PRLR: variants seen among roughly 807,000 people sequenced by gnomAD.
PRLR encodes hPRL receptor.
PRLR carries 13 observed loss-of-function variants against 40.2 expected under a neutral mutation model. That is an observed-to-expected ratio of 0.32 (90% CI 0.21 to 0.51). The LOEUF (loss-of-function observed/expected upper bound fraction) is 0.51, where lower values mean the gene tolerates loss of function less well. Ranked by LOEUF, PRLR falls within the 20% of genes least tolerant of loss-of-function variation. The pLI is 0.97. For synonymous variants in PRLR, 269 were observed against 278.7 expected, an observed-to-expected ratio of 0.97 and a Z score of 0.35; for missense variants, 656 against 747.3, an observed-to-expected ratio of 0.88 and a Z score of 1.42.
rs1046593694 is a variant in PRLR, at chr5:35,116,134, A to C, written c.-44+1927T>G. ...GTGGAGGATGATGGAGGCTGGGTGCAGGGGTCAGGGAAGATCAATCAGAGG... is the reference window on the plus strand; with the variant it reads ...GTGGAGGATGATGGAGGCTGGGTGCCGGGGTCAGGGAAGATCAATCAGAGG... On this transcript the variant is annotated intron_variant, in intron 2 of 9. Transcript: ENST00000618457. Among the ~76,000 whole-genome samples the C allele has an allele frequency of 2.6e-5, 4 of 152,084 alleles. No homozygotes were observed. The East Asian group carries it at 7.7e-4, about 29-fold the overall frequency.
intron 1 of PRLR, among the ~76,000 whole-genome samples, chr5:35,185,635 C>G (rs1430675902): frequency 2.0e-5 from 3 of 152,148 alleles, no homozygotes; most frequent in Admixed American, 1.3e-4. Context: ...TGTGAATTTG[C>G]TAATAATTAA....
intron 1 of PRLR, among the ~76,000 whole-genome samples, chr5:35,150,104 G>A (rs1021635321): frequency 1.3e-5 from 2 of 152,194 alleles, no homozygotes; most frequent in South Asian, 2.1e-4. Flanking sequence ...GGCTGGTCTC[G>A]AACTCCCAAC....
chr5:35,084,646 T>C lies in PRLR; in HGVS notation c.204-7A>G, dbSNP rs1307706762. 2 of 1,608,326 alleles carry C rather than the reference T, an allele frequency of 1.2e-6. No individual in the cohort carries two copies. The highest frequency in any genetic ancestry group is 1.7e-6 in the Non-Finnish European group (2 of 1,177,660). ...TTCATGCATGAGTGTCTCTCTGCAA[T>C]AAGTAATGTATTAGGAATGAATAAG... On this transcript the variant is annotated splice_polypyrimidine_tract_variant and splice_region_variant and intron_variant, in intron 4 of 9. Coordinates refer to ENST00000618457, the MANE Select transcript of PRLR (RefSeq NM_000949.7).
chr5:35,213,641 A>T (rs1370991531), intron 1 of PRLR, among the ~76,000 whole-genome samples: 1 of 152,200 alleles, frequency 6.6e-6, no homozygotes, highest in Non-Finnish European at 1.5e-5. Context: ...AAAACTGAAC[A>T]ATGAACAATA....
At chr5:35,087,415 C>T (rs1379548938) in intron 3 of PRLR, among the ~76,000 whole-genome samples, 1 of 137,672 alleles carries the variant, frequency 7.3e-6, no homozygotes, top group East Asian at 2.0e-4. Context: ...ATTTTCCTCT[C>T]TTTCCTTTGT....
At chr5:35,078,200 A>C (rs926103283) in intron 5 of PRLR, among the ~76,000 whole-genome samples, 2 of 152,216 alleles carry the variant, frequency 1.3e-5, no homozygotes, top group Non-Finnish European at 2.9e-5. Flanking sequence ...GAAATAACTA[A>C]GATCAGAGAA....
At chr5:35,068,940 T>A in intron 7 of PRLR, 62 bp from the exon 8 acceptor site, 1 of 1,259,174 alleles carries the variant, frequency 7.9e-7, no homozygotes, top group Non-Finnish European at 1.1e-6. Flanking sequence ...CAAACCAACC[T>A]AATGAATGAA....
At chr5:35,086,367 C>A in intron 3 of PRLR, 27 bp from the exon 4 acceptor site, 1 of 1,611,272 alleles carries the variant, frequency 6.2e-7, no homozygotes. Flanking sequence ...GCCACTGCAT[C>A]AATATTGAGG....
chr5:35,066,765 T>A (rs1769395566), intron 9 of PRLR, among the ~76,000 whole-genome samples: 1 of 144,914 alleles, frequency 6.9e-6, no homozygotes, highest in South Asian at 2.3e-4. Flanking sequence ...TTGCCTCTTT[T>A]TTTTTTTTTT....
intron 1 of PRLR, among the ~76,000 whole-genome samples, chr5:35,124,303 C>A (rs1773385722): frequency 6.6e-6 from 1 of 152,164 alleles, no homozygotes; most frequent in African/African-American, 2.4e-5. Context: ...TAAGGCCCAC[C>A]AGTCAATAGA....
At chr5:35,049,773 T>G (rs1349566386) in intron 8 of PRLR, among the ~76,000 whole-genome samples, 1 of 152,130 alleles carries the variant, frequency 6.6e-6, no homozygotes, top group Non-Finnish European at 1.5e-5. Flanking sequence ...CTTGACTAAT[T>G]ATTTTTTTCT....
intron 1 of PRLR, among the ~76,000 whole-genome samples, chr5:35,222,301 A>T (rs1355772856): frequency 1.7e-5 from 1 of 58,286 alleles, no homozygotes; most frequent in African/African-American, 6.7e-5. Flanking sequence ...GACTCCATCC[A>T]AAAGAAAAAA....
chr5:35,111,596 G>T (rs1772662089), intron 2 of PRLR, among the ~76,000 whole-genome samples: 1 of 152,070 alleles, frequency 6.6e-6, no homozygotes, highest in African/African-American at 2.4e-5. Context: ...TTTCATTTTG[G>T]TATTTATAAA....
intron 1 of PRLR, among the ~76,000 whole-genome samples, chr5:35,132,725 T>C (rs1257060159): frequency 5.2e-4 from 79 of 152,208 alleles, no homozygotes; most frequent in Non-Finnish European, 5.9e-5. Context: ...TTGTTAAATA[T>C]CATAGGACAT....
chr5:35,150,340 A>T (rs1774305331), intron 1 of PRLR, among the ~76,000 whole-genome samples: 1 of 152,200 alleles, frequency 6.6e-6, no homozygotes. Flanking sequence ...CAGGCCCCAA[A>T]CAGCTCCTGA....
chr5:35,052,772 A>C (rs765941103), downstream of PRLR, among the ~76,000 whole-genome samples: 2 of 152,216 alleles, frequency 1.3e-5, no homozygotes, highest in Non-Finnish European at 2.9e-5. Context: ...GGTGAGAGGC[A>C]TTCCTACACA....
intron 4 of PRLR, 53 bp from the exon 5 acceptor site, chr5:35,084,692 G>C: frequency 6.5e-7 from 1 of 1,542,230 alleles, no homozygotes; most frequent in South Asian, 1.2e-5. Flanking sequence ...AGAGAGTCTA[G>C]TTTTTTTCTT....
chr5:35,150,349 G>T (rs1487953057), intron 1 of PRLR, among the ~76,000 whole-genome samples: 1 of 152,164 alleles, frequency 6.6e-6, no homozygotes, highest in Non-Finnish European at 1.5e-5. Context: ...AACAGCTCCT[G>T]ATGGTTTTTG....
At chr5:35,123,647 T>C (rs1256771463) in intron 1 of PRLR, among the ~76,000 whole-genome samples, 1 of 152,224 alleles carries the variant, frequency 6.6e-6, no homozygotes, top group East Asian at 1.9e-4. Flanking sequence ...TAACTCTAAC[T>C]GGTCCCGTGG....
Sources: allele counts gnomAD v4.1 joint callset (sites outside exome capture counted in the v4.1 genomes callset), GRCh38; gene constraint gnomAD v4.1.1; transcripts MANE v1.5; gene names NCBI Gene and HGNC (gene_info 2026-07-23, HGNC 2026-07-21).